The following TMEM132D variants were observed in gnomAD, a reference collection of about 807,000 sequenced individuals.
TMEM132D encodes mature OL transmembrane protein.
Under a neutral mutation model 62.3 loss-of-function variants are expected in TMEM132D, and 21 were observed. The ratio of observed to expected loss-of-function variants is 0.34; its 90% CI spans 0.24 to 0.49. TMEM132D has a LOEUF of 0.49. Among genes scored for constraint, TMEM132D ranks in the 20% least tolerant of loss-of-function variants. TMEM132D has a pLI of 0.99. For missense variants in TMEM132D, 1,346 were observed against 1,402.8 expected, an observed-to-expected ratio of 0.96 and a Z score of 0.65; for synonymous variants, 621 against 575.6, an observed-to-expected ratio of 1.08 and a Z score of -1.13.
intron 3 of TMEM132D, among the ~76,000 whole-genome samples, chr12:129,429,751 C>T (rs1872601532): frequency 8.6e-6 from 1 of 116,152 alleles, no homozygotes; most frequent in African/African-American, 3.3e-5. Context: ...GACCCCACAA[C>T]AGGCCCCGGT....
Position 129,375,646 on chromosome 12 carries a change from C to A in TMEM132D, c.1116-37829G>T, listed in dbSNP as rs1259026597. Among the ~76,000 whole-genome samples the A allele has an allele frequency of 1.5e-3, 234 of 152,236 alleles. 1 individual carries two copies. The highest frequency in any genetic ancestry group is 5.5e-3 in the African/African-American group (228 of 41,516). On this transcript the variant is annotated intron_variant, in intron 3 of 8. Coordinates refer to ENST00000422113, the MANE Select transcript of TMEM132D (RefSeq NM_133448.3). The stretch of plus-strand genomic sequence containing the variant: ...AGAGCATGCCCTTTAAATCAGTTGT[C>A]CTCAACCTGGACGGTCCAGTAGAAT...
At chr12:129,836,586 A>G (rs554351648) in intron 1 of TMEM132D, among the ~76,000 whole-genome samples, 8 of 152,300 alleles carry the variant, frequency 5.3e-5, no homozygotes, top group African/African-American at 1.9e-4. Flanking sequence ...TACATTTCAT[A>G]AATGTAAAGA....
rs1418112190 is a variant in TMEM132D at position 129,531,194 on chromosome 12, T to C, written c.980A>G (p.Lys327Arg). The change falls in exon 3 of 9, where the codon AAG becomes AGG. Residue 327 changes from lysine to arginine, a missense_variant. Physicochemically the swap from Lys to Arg is conservative, Grantham distance 26. Coordinates refer to ENST00000422113, the MANE Select transcript of TMEM132D (RefSeq NM_133448.3). ...EDRFTLRAKVKKGVNIIGVRA... is the reference protein window; with the variant it reads ...EDRFTLRAKVRKGVNIIGVRA... ...CACGCCGATGATGTTCACGCCTTTCTTCACCTTTGCCCTGTTGGAGACAGC... is the reference window on the plus strand; with the variant it reads ...CACGCCGATGATGTTCACGCCTTTCCTCACCTTTGCCCTGTTGGAGACAGC... The C allele has an allele frequency of 1.9e-6, 3 of 1,611,520 alleles. No individual in the cohort carries two copies. The highest frequency in any genetic ancestry group is 2.5e-6 in the Non-Finnish European group (3 of 1,179,338).
At chr12:129,204,177 AAG>A (rs1268847005) in intron 5 of TMEM132D, among the ~76,000 whole-genome samples, 4 of 152,212 alleles carry the variant, frequency 2.6e-5, no homozygotes, top group African/African-American at 7.2e-5. Context: ...GGTTCTTAAC[AAG>A]GTTGAAATGG....
rs144367241 is a variant in TMEM132D at position 129,675,520 on chromosome 12, T to C, written c.968+24290A>G. ...CAAACCGGCACATTCTGCACATGTA[T>C]CCCAGAACTTAAAATTAAAAACCTA... On this transcript the variant is annotated intron_variant, in intron 2 of 8. Coordinates refer to ENST00000422113, the MANE Select transcript of TMEM132D (RefSeq NM_133448.3). 5.7e-3 allele frequency among the ~76,000 whole-genome samples: 867 copies of C among 152,234 alleles called. 8 individuals carry two copies. Among genetic ancestry groups the C allele is most frequent in the African/African-American group, 0.019 (809 of 41,516 alleles).
chr12:129,103,197 T>C (rs1875372277), intron 5 of TMEM132D, among the ~76,000 whole-genome samples: 1 of 152,164 alleles, frequency 6.6e-6, no homozygotes, highest in Non-Finnish European at 1.5e-5. Context: ...GAGGAGGGAT[T>C]TGCTCCTTCA....
At chr12:129,450,215 C>A (rs906487714) in intron 3 of TMEM132D, among the ~76,000 whole-genome samples, 1 of 152,148 alleles carries the variant, frequency 6.6e-6, no homozygotes, top group Non-Finnish European at 1.5e-5. Context: ...TTAATTAGAT[C>A]CCATTTGTCA....
intron 2 of TMEM132D, among the ~76,000 whole-genome samples, chr12:129,551,288 C>T (rs1245222360): frequency 6.6e-6 from 1 of 152,210 alleles, no homozygotes; most frequent in African/African-American, 2.4e-5. Context: ...AGTTTGTGTG[C>T]TTTGCTATGC....
intron 4 of TMEM132D, among the ~76,000 whole-genome samples, chr12:129,259,618 G>C (rs2135594786): frequency 6.6e-6 from 1 of 152,248 alleles, no homozygotes; most frequent in South Asian, 2.1e-4. Flanking sequence ...ATGGTAATTA[G>C]AGTCAGGGAT....
intron 3 of TMEM132D, among the ~76,000 whole-genome samples, chr12:129,481,441 T>C (rs1334798728): frequency 2.2e-5 from 3 of 136,024 alleles, no homozygotes; most frequent in Non-Finnish European, 4.6e-5. Flanking sequence ...CCAGCCCGGG[T>C]GACAGAATGA....
At chr12:129,643,236 A>G (rs1879688425) in intron 2 of TMEM132D, among the ~76,000 whole-genome samples, 1 of 152,080 alleles carries the variant, frequency 6.6e-6, no homozygotes, top group Non-Finnish European at 1.5e-5. Flanking sequence ...GATCATTTTA[A>G]GAGGAACTAC....
At chr12:129,427,296 A>G (rs190114679) in intron 3 of TMEM132D, among the ~76,000 whole-genome samples, 51 of 151,990 alleles carry the variant, frequency 3.4e-4, no homozygotes, top group Admixed American at 9.2e-4. Flanking sequence ...ATGAAGTCCA[A>G]TGCTAAGGAC....
intron 1 of TMEM132D, among the ~76,000 whole-genome samples, chr12:129,810,549 C>CAT (rs1297899085): frequency 3.2e-5 from 1 of 31,060 alleles, no homozygotes; most frequent in Non-Finnish European, 5.5e-5. Flanking sequence ...AAAATATATA[C>CAT]ATACACACAC....
At chr12:129,408,440 C>CTT (rs34261219) in intron 3 of TMEM132D, among the ~76,000 whole-genome samples, 3,839 of 143,686 alleles carry the variant, frequency 0.027, 81 homozygotes, top group Non-Finnish European at 0.041. Flanking sequence ...TTGATAGTAG[C>CTT]TTTTTTTTTT....
intron 1 of TMEM132D, among the ~76,000 whole-genome samples, chr12:129,785,473 G>A (rs921803310): frequency 1.3e-5 from 2 of 152,228 alleles, no homozygotes; most frequent in African/African-American, 4.8e-5. Flanking sequence ...CACAGTACAT[G>A]CTAAATCAAC....
intron 1 of TMEM132D, among the ~76,000 whole-genome samples, chr12:129,877,611 GCGCA>G (rs1179791375): frequency 3.2e-5 from 3 of 94,946 alleles, no homozygotes; most frequent in African/African-American, 6.3e-5. Flanking sequence ...ACGCGCGCGC[GCGCA>G]CACACACACA....
At chr12:129,759,943 T>C (rs1169529347) in intron 1 of TMEM132D, among the ~76,000 whole-genome samples, 1 of 152,062 alleles carries the variant, frequency 6.6e-6, no homozygotes, top group Non-Finnish European at 1.5e-5. Context: ...TCTTGCTCTG[T>C]TGCCCAGACT....
chr12:129,099,317 C>T (rs1875217281), intron 5 of TMEM132D, among the ~76,000 whole-genome samples: 1 of 152,176 alleles, frequency 6.6e-6, no homozygotes, highest in South Asian at 2.1e-4. Context: ...ATTTTTATGC[C>T]ATTTCTCCTA....
chr12:129,104,693 C>T (rs1215407519), intron 5 of TMEM132D, among the ~76,000 whole-genome samples: 3 of 150,768 alleles, frequency 2.0e-5, no homozygotes, highest in African/African-American at 7.4e-5. Context: ...AACAAATTTA[C>T]AAGAAAAAAA....
Sources: gnomAD v4.1 joint callset for allele counts (sites outside exome capture counted in the v4.1 genomes callset) on GRCh38, gnomAD v4.1.1 for gene constraint, MANE v1.5 for transcripts, NCBI Gene and HGNC (gene_info 2026-07-23, HGNC 2026-07-21) for gene names.